Variants in PLAC1 observed in about 807,000 individuals in gnomAD.
The protein encoded by PLAC1 is placenta-specific protein 1.
For missense variants in PLAC1, 136 were observed against 163.2 expected (o/e 0.83, Z 0.91); for synonymous variants, 68 against 62.1 (o/e 1.09, Z -0.44).
chrX:134,702,583 A>G (rs1210744253), intron 2 of PLAC1, among the ~76,000 whole-genome samples: 3 of 111,807 alleles, frequency 2.7e-5, no homozygotes, highest in African/African-American at 9.8e-5. Flanking sequence ...AACAATGGAC[A>G]CTGCAGACTA....
At chrX:134,588,804 C>T (rs753292607) in intron 2 of PLAC1, among the ~76,000 whole-genome samples, 7 of 110,876 alleles carry the variant, frequency 6.3e-5, no homozygotes, top group African/African-American at 1.6e-4. Flanking sequence ...ACAGGGCATC[C>T]GATCAAGGGA....
At chrX:134,763,240 C>T (rs1049839901) in intron 1 of PLAC1, among the ~76,000 whole-genome samples, 1 of 111,727 alleles carries the variant, frequency 9.0e-6, no homozygotes, top group African/African-American at 3.3e-5. Context: ...CCAGCTAGGG[C>T]TTTCACCCCA....
intron 1 of PLAC1, chrX:134,607,681 C>T (rs1426388586): frequency 9.1e-6 from 1 of 109,412 alleles, no homozygotes; most frequent in Non-Finnish European, 1.9e-5. Context: ...TGTAACAAAA[C>T]ATAAAAAACA....
intron 2 of PLAC1, among the ~76,000 whole-genome samples, chrX:134,597,625 T>C (rs2078068177): frequency 8.9e-6 from 1 of 112,082 alleles, no homozygotes; most frequent in Non-Finnish European, 1.9e-5. Flanking sequence ...GGTTTTTTTC[T>C]GACATTGCTC....
chrX:134,694,891 G>T (rs750805342), intron 2 of PLAC1, among the ~76,000 whole-genome samples: 4 of 112,203 alleles, frequency 3.6e-5, no homozygotes, highest in Admixed American at 1.9e-4. Context: ...CATTTGCTTT[G>T]TCCTATTAGA....
At chrX:134,688,902 CTT>C (rs959064772) in intron 2 of PLAC1, among the ~76,000 whole-genome samples, 36 of 111,704 alleles carry the variant, frequency 3.2e-4, no homozygotes, top group African/African-American at 1.1e-3. Flanking sequence ...ACCTCCAACT[CTT>C]TATGTCCAAA....
At chrX:134,567,771 A>G (rs1239565519) in intron 2 of PLAC1, among the ~76,000 whole-genome samples, 8 of 103,839 alleles carry the variant, frequency 7.7e-5, no homozygotes, top group Admixed American at 7.3e-4. Flanking sequence ...CAAAAAAAAA[A>G]AAAGGGAAGA....
At chrX:134,661,722 T>G (rs2078417175), upstream of PLAC1, among the ~76,000 whole-genome samples, 1 of 111,706 alleles carries the variant, frequency 9.0e-6, no homozygotes, top group South Asian at 3.8e-4. Context: ...AAAGAAACCC[T>G]GTAGTAAATT....
At chrX:134,723,208 A>AGTATAAAT (rs1395408263) in intron 2 of PLAC1, among the ~76,000 whole-genome samples, 1 of 111,772 alleles carries the variant, frequency 8.9e-6, no homozygotes, top group Non-Finnish European at 1.9e-5. Flanking sequence ...GTAAAAATCA[A>AGTATAAAT]GTATAAATCA....
intron 2 of PLAC1, among the ~76,000 whole-genome samples, chrX:134,692,397 T>G (rs1056306330): frequency 1.8e-5 from 2 of 111,761 alleles, no homozygotes; most frequent in South Asian, 3.8e-4. Flanking sequence ...ATTTGGGGCA[T>G]CTCCTTCTGG....
intron 1 of PLAC1, among the ~76,000 whole-genome samples, chrX:134,627,247 A>C (rs1180242591): frequency 8.9e-6 from 1 of 111,782 alleles, no homozygotes; most frequent in Non-Finnish European, 1.9e-5. Flanking sequence ...GAATGGTATG[A>C]AAGGCCTTGT....
intron 2 of PLAC1, among the ~76,000 whole-genome samples, chrX:134,708,465 AGGGTG>A (rs1197867057): frequency 1.4e-4 from 15 of 105,443 alleles, no homozygotes; most frequent in Non-Finnish European, 2.9e-4. Context: ...GGTTAGAGAT[AGGGTG>A]GGGTGGGTGT....
chrX:134,650,565 A>G (rs1372745296), intron 1 of PLAC1, among the ~76,000 whole-genome samples: 1 of 111,759 alleles, frequency 8.9e-6, no homozygotes, highest in Non-Finnish European at 1.9e-5. Context: ...AAGTTCCATA[A>G]GAAGGCTCCA....
At chrX:134,750,162 C>T (rs576143544) in intron 1 of PLAC1, among the ~76,000 whole-genome samples, 1 of 111,968 alleles carries the variant, frequency 8.9e-6, no homozygotes, top group South Asian at 3.7e-4. Context: ...GCCTAAATTG[C>T]ATAATATCCT....
intron 1 of PLAC1, among the ~76,000 whole-genome samples, chrX:134,652,069 A>G (rs1054668004): frequency 3.6e-5 from 4 of 111,394 alleles, no homozygotes; most frequent in Middle Eastern, 4.2e-3. Flanking sequence ...TGGCCTATCT[A>G]AAGTTTATAG....
intron 1 of PLAC1, among the ~76,000 whole-genome samples, chrX:134,744,478 T>C (rs1490088245): frequency 9.0e-6 from 1 of 111,317 alleles, no homozygotes; most frequent in Non-Finnish European, 1.9e-5. Flanking sequence ...AAGCCTCTGT[T>C]GCCACTGCTG....
At chrX:134,760,940 G>T (rs1001850455) in intron 1 of PLAC1, among the ~76,000 whole-genome samples, 2 of 110,955 alleles carry the variant, frequency 1.8e-5, no homozygotes, top group African/African-American at 6.6e-5. Context: ...AGACCTCATG[G>T]AGTAGAGCTG....
chrX:134,597,476 G>A lies in PLAC1; in HGVS notation c.-59+4575C>T, dbSNP rs2078067478. Reference sequence around the variant, plus strand: ...AATTCTATCTCATCATCTTAGTATTGGCATGAATTGACTGTCTTTTTCACT... The same window carrying A: ...AATTCTATCTCATCATCTTAGTATTAGCATGAATTGACTGTCTTTTTCACT... On this transcript the variant is annotated intron_variant, in intron 2 of 2. Transcript: ENST00000359237. Among the ~76,000 whole-genome samples, 4 of 111,887 alleles carry A rather than the reference G, an allele frequency of 3.6e-5. No individual in the cohort carries two copies. The South Asian group carries it at 1.5e-3, about 41-fold the overall frequency.
intron 1 of PLAC1, among the ~76,000 whole-genome samples, chrX:134,635,292 G>T: frequency 9.0e-6 from 1 of 111,577 alleles, no homozygotes; most frequent in South Asian, 3.8e-4. Flanking sequence ...ACCTTGGTCT[G>T]TCAGAGAACT....
Sources: allele counts gnomAD v4.1 joint callset (sites outside exome capture counted in the v4.1 genomes callset), GRCh38; gene constraint gnomAD v4.1.1; transcripts MANE v1.5; gene names NCBI Gene and HGNC (gene_info 2026-07-23, HGNC 2026-07-21).